The following CAPS2 variants were observed in gnomAD, a reference collection of about 807,000 sequenced individuals.
CAPS2 encodes the protein calcyphosin-2.
In CAPS2, 98 loss-of-function variants were observed where a neutral mutation model predicts 86.5. The observed-to-expected ratio is 1.13, with a 90% CI of 0.96 to 1.34. The LOEUF is 1.34. Ranked by LOEUF, CAPS2 falls within the 40% of genes most tolerant of loss-of-function variation. The pLI, the probability that CAPS2 is intolerant of heterozygous loss-of-function variation, is 0.00. For missense variants in CAPS2, 729 were observed against 686.8 expected, an observed-to-expected ratio of 1.06 and a Z score of -0.69; for synonymous variants, 210 against 225.1, an observed-to-expected ratio of 0.93 and a Z score of 0.60.
chr12:75,390,350 G>A, intron 1 of CAPS2: 1 of 456,300 alleles, frequency 2.2e-6, no homozygotes, highest in East Asian at 6.9e-5. Context: ...TGAAAAAGAT[G>A]AATCTTGATA....
chr12:75,334,477 G>C (rs767614151), upstream of CAPS2: 13 of 1,304,058 alleles, frequency 1.0e-5, no homozygotes, highest in Non-Finnish European at 1.3e-5. Context: ...AGTTTGGATG[G>C]TTGAAATTCC....
chr12:75,306,139 ATCACCGAGGAG>A lies in CAPS2; in HGVS notation c.660-1274_660-1264del. ...CACATTCGGGAACGTGCGGAAGCTC[ATCACCGAGGAG>A]TTCGTCCAGCAGAATTACCTGAAGT... On this transcript the variant is annotated intron_variant, in intron 7 of 16. Transcript: ENST00000393284. 4.6e-6 allele frequency: 5 copies of A among 1,095,444 alleles called. 1 individual carries two copies. Among genetic ancestry groups the A allele is most frequent in the Non-Finnish European group, 1.4e-6 (1 of 721,050 alleles). The allele number at this position is 1,095,444 out of a possible 1,614,324, so 67.9% of individuals were successfully genotyped here.
chr12:75,348,431 C>G (rs1208659672), intron 1 of CAPS2, among the ~76,000 whole-genome samples: 16 of 152,158 alleles, frequency 1.1e-4, no homozygotes, highest in Admixed American at 8.5e-4. Flanking sequence ...CATGACCTTT[C>G]ACTTGGAAGC....
chr12:75,309,050 A>C (rs1369087438), intron 7 of CAPS2, among the ~76,000 whole-genome samples: 1 of 152,152 alleles, frequency 6.6e-6, no homozygotes, highest in African/African-American at 2.4e-5. Flanking sequence ...TTAGCTACTT[A>C]AGGTTCATGC....
At chr12:75,316,491 A>G in intron 5 of CAPS2, 57 bp from the exon 6 acceptor site, 1 of 1,422,336 alleles carries the variant, frequency 7.0e-7, no homozygotes, top group Non-Finnish European at 9.4e-7. Context: ...GTTTGTTTTT[A>G]ACAAAATATG....
intron 1 of CAPS2, among the ~76,000 whole-genome samples, chr12:75,354,174 G>GGA (rs1555220918): frequency 7.0e-6 from 1 of 142,750 alleles, no homozygotes; most frequent in Non-Finnish European, 1.5e-5. Context: ...AAAGGGGGGG[G>GGA]GGTATTCAAA....
Position 75,297,315 on chromosome 12 carries a change from T to C in CAPS2, c.1044+1372A>G, listed in dbSNP as rs188431548. 5.6e-3 allele frequency among the ~76,000 whole-genome samples: 855 copies of C among 152,348 alleles called. 7 individuals carry two copies. Among genetic ancestry groups the C allele is most frequent in the African/African-American group, 0.019 (808 of 41,574 alleles). ...TTTCTCTAGATCTCAAGAGGCAGGCTTGAGTGTCATATGTATAGTGTATAG... is the reference window on the plus strand; with the variant it reads ...TTTCTCTAGATCTCAAGAGGCAGGCCTGAGTGTCATATGTATAGTGTATAG... On this transcript the variant is annotated intron_variant, in intron 11 of 16. Coordinates refer to ENST00000393284, the Ensembl canonical transcript of CAPS2.
upstream of CAPS2, among the ~76,000 whole-genome samples, chr12:75,331,522 A>G (rs189656588): frequency 1.8e-4 from 27 of 152,344 alleles, 1 homozygote; most frequent in Admixed American, 1.4e-3. Flanking sequence ...GCAAAAATAA[A>G]TAGCAGAAAA....
At chr12:75,390,786 C>A (rs1046482594) in intron 1 of CAPS2, 1 of 535,274 alleles carries the variant, frequency 1.9e-6, no homozygotes, top group Non-Finnish European at 3.7e-6. Flanking sequence ...TGTCAGAAAT[C>A]AATTCGGGAT....
chr12:75,346,721 G>A (rs1228902272), intron 1 of CAPS2, among the ~76,000 whole-genome samples: 1 of 151,860 alleles, frequency 6.6e-6, no homozygotes, highest in Non-Finnish European at 1.5e-5. Context: ...TTTTTTGCTG[G>A]TAAAATATAT....
At chr12:75,339,692 T>A (rs1181545451) in intron 1 of CAPS2, among the ~76,000 whole-genome samples, 1 of 152,102 alleles carries the variant, frequency 6.6e-6, no homozygotes, top group African/African-American at 2.4e-5. Flanking sequence ...ATTGCCTAGA[T>A]TTTTCTTCTA....
chr12:75,351,084 G>A (rs772240268), intron 1 of CAPS2, among the ~76,000 whole-genome samples: 2 of 152,130 alleles, frequency 1.3e-5, no homozygotes, highest in Non-Finnish European at 2.9e-5. Context: ...AGACCAAGTG[G>A]AAGAAAGGAT....
intron 2 of CAPS2, among the ~76,000 whole-genome samples, chr12:75,323,470 G>A (rs527956933): frequency 1.2e-4 from 19 of 152,186 alleles, no homozygotes; most frequent in African/African-American, 3.9e-4. Flanking sequence ...TTGGCCGGGC[G>A]CAGTGGCTTA....
chr12:75,329,347 G>A (rs963599540), upstream of CAPS2, among the ~76,000 whole-genome samples: 1 of 152,180 alleles, frequency 6.6e-6, no homozygotes, highest in Admixed American at 6.5e-5. Flanking sequence ...AAAAGGAAGG[G>A]AAAGCACTTC....
chr12:75,279,758 C>T (rs568244939), intron 16 of CAPS2, among the ~76,000 whole-genome samples: 2 of 151,920 alleles, frequency 1.3e-5, no homozygotes, highest in East Asian at 1.9e-4. Context: ...AATAATGGTG[C>T]TACGTAGAGA....
At chr12:75,299,099 ACTGTAGGGAAAACACAAAAACATAG>A (rs2138526950) in intron 9 of CAPS2, 133 bp from the exon 10 acceptor site, 1 of 554,816 alleles carries the variant, frequency 1.8e-6, no homozygotes, top group East Asian at 2.9e-5. Context: ...GTTATGGGAA[ACTGTAGGGAAAACACAAAAACATAG>A]CTTGCTGAAA....
chr12:75,385,285 A>G (rs1346240151), intron 1 of CAPS2, among the ~76,000 whole-genome samples: 5 of 152,192 alleles, frequency 3.3e-5, no homozygotes, highest in Non-Finnish European at 4.4e-5. Context: ...TAGGTATACA[A>G]GCCTGGTTCA....
upstream of CAPS2, chr12:75,334,673 C>G: frequency 6.4e-7 from 1 of 1,572,850 alleles, no homozygotes. Context: ...TCGGGTTGCC[C>G]CAGCCGTTAC....
chr12:75,358,604 T>TA (rs965848464), intron 1 of CAPS2, among the ~76,000 whole-genome samples: 16 of 149,324 alleles, frequency 1.1e-4, no homozygotes, highest in Non-Finnish European at 1.3e-4. Context: ...TGCCTAATAG[T>TA]AAAAAAAAAT....
Sources: gnomAD v4.1 joint callset for allele counts (sites outside exome capture counted in the v4.1 genomes callset) on GRCh38, gnomAD v4.1.1 for gene constraint, MANE v1.5 for transcripts, NCBI Gene and HGNC (gene_info 2026-07-23, HGNC 2026-07-21) for gene names.